Variants in SLCO1C1 observed in about 807,000 individuals in gnomAD.
The protein encoded by SLCO1C1 is solute carrier organic anion transporter family member 1C1, also known as OAT-RP-5.
A neutral mutation model predicts 76.4 loss-of-function variants in SLCO1C1; 70 were observed. That is an observed-to-expected ratio of 0.92 (90% confidence interval 0.76 to 1.12). SLCO1C1 has a LOEUF of 1.12. Ranked by LOEUF, SLCO1C1 falls within the 50% of genes most tolerant of loss-of-function variation. The pLI is 0.00. For synonymous variants in SLCO1C1, 306 were observed against 286.1 expected, an observed-to-expected ratio of 1.07 and a Z score of -0.70; for missense variants, 912 against 823.8, an observed-to-expected ratio of 1.11 and a Z score of -1.31.
Position 20,732,981 on chromosome 12 carries a change from G to A in SLCO1C1, c.1259G>A (p.Ser420Asn). 1 of 1,613,884 alleles carries A rather than the reference G, an allele frequency of 6.2e-7. No homozygotes were observed. The highest frequency in any genetic ancestry group is 8.5e-7 in the Non-Finnish European group (1 of 1,179,926). ...ATAGTTATGAAAAAATTCAGAATCA[G>A]TGTGTGTGGAGCTGCAAAACTCTAC... ...GGIVMKKFRI[S>N]VCGAAKLYLG... The change falls in exon 10 of 15, where the codon AGT becomes AAT. Residue 420 changes from serine (S) to asparagine (N), a missense_variant. Coordinates refer to ENST00000266509, the MANE Select transcript of SLCO1C1 (RefSeq NM_017435.5).
At chr12:20,740,815 ATATGGCTTTATCTG>A (rs1948781638) in intron 12 of SLCO1C1, among the ~76,000 whole-genome samples, 1 of 133,458 alleles carries the variant, frequency 7.5e-6, no homozygotes, top group Non-Finnish European at 1.6e-5. Flanking sequence ...ATATATATAT[ATATGGCTTTATCTG>A]TATATTTTTG....
At chr12:20,717,955 G>C (rs1947466923) in intron 7 of SLCO1C1, among the ~76,000 whole-genome samples, 1 of 151,902 alleles carries the variant, frequency 6.6e-6, no homozygotes, top group Non-Finnish European at 1.5e-5. Flanking sequence ...ATTGCATTTT[G>C]AAGTCCGCAT....
intron 10 of SLCO1C1, 126 bp from the exon 11 acceptor site, chr12:20,736,981 T>G (rs1298176392): frequency 1.5e-6 from 1 of 674,268 alleles, no homozygotes. Context: ...TGATGACAAC[T>G]GTGTTTCTAA....
chr12:20,715,058 G>T, intron 5 of SLCO1C1, 81 bp from the exon 6 acceptor site: 1 of 1,532,406 alleles, frequency 6.5e-7, no homozygotes, highest in Non-Finnish European at 8.9e-7. Flanking sequence ...TTCAGTTTAA[G>T]ATATACGGTA....
chr12:20,740,331 T>C lies in SLCO1C1; in HGVS notation c.1696T>C (p.Ser566Pro), dbSNP rs1282869051. 2 of 1,613,658 alleles carry C rather than the reference T, an allele frequency of 1.2e-6. No individual in the cohort carries two copies. The highest frequency in any genetic ancestry group is 2.2e-5 in the South Asian group (2 of 90,984). The change falls in exon 12 of 15, where the codon TCC becomes CCC. Residue 566 changes from serine to proline, a missense_variant. Coordinates refer to ENST00000266509, the MANE Select transcript of SLCO1C1 (RefSeq NM_017435.5). ...TTCAGTCATCACATCCTATACTTTA[T>C]CCCTAGGTGGCATACCTGGATACAT... ...VISVITSYTL[S>P]LGGIPGYILL...
At chr12:20,726,639 G>T (rs575374659) in intron 9 of SLCO1C1, among the ~76,000 whole-genome samples, 2 of 152,038 alleles carry the variant, frequency 1.3e-5, no homozygotes, top group Admixed American at 1.3e-4. Flanking sequence ...TTTAATGAAA[G>T]AAATTTGGAT....
rs879013980 is a variant in SLCO1C1 at position 20,721,820 on chromosome 12, C to G, written c.792C>G (p.Thr264=). Residue 264 remains threonine, a synonymous_variant, in exon 8 of 15, where the codon ACC becomes ACG. Transcript: ENST00000266509. ...GFVNLDHITI[T]PKDPQWVGAW... ...GTCTTTCAGATCACATAACCATTAC[C>G]CCAAAAGATCCCCAGTGGGTAGGAG... The G allele has an allele frequency of 6.2e-7, 1 of 1,614,026 alleles. No homozygotes were observed. The highest frequency in any genetic ancestry group is 1.1e-5 in the South Asian group (1 of 91,068).
At chr12:20,748,694 T>A (rs985629142) in intron 13 of SLCO1C1, among the ~76,000 whole-genome samples, 1 of 152,214 alleles carries the variant, frequency 6.6e-6, no homozygotes, top group African/African-American at 2.4e-5. Context: ...TGTTCTTTTG[T>A]GACATTTATA....
chr12:20,749,455 A>G (rs1949193434), intron 13 of SLCO1C1, among the ~76,000 whole-genome samples: 1 of 152,178 alleles, frequency 6.6e-6, no homozygotes, highest in South Asian at 2.1e-4. Context: ...GGTTCTTAAG[A>G]GAACTCAGAA....
At chr12:20,706,652 T>TG (rs1946792380) in intron 4 of SLCO1C1, among the ~76,000 whole-genome samples, 2 of 152,164 alleles carry the variant, frequency 1.3e-5, no homozygotes, top group Non-Finnish European at 2.9e-5. Context: ...ATTTTTACCC[T>TG]TATAGCAACC....
intron 6 of SLCO1C1, among the ~76,000 whole-genome samples, 177 bp downstream of exon 6, chr12:20,715,462 G>A (rs1019240083): frequency 4.6e-5 from 7 of 152,182 alleles, no homozygotes; most frequent in African/African-American, 1.7e-4. Context: ...AGACACCATA[G>A]TTAGAGGGAT....
At chr12:20,721,312 G>A (rs1592268190) in intron 7 of SLCO1C1, among the ~76,000 whole-genome samples, 1 of 152,116 alleles carries the variant, frequency 6.6e-6, no homozygotes, top group African/African-American at 2.4e-5. Flanking sequence ...ATTTTCTTAT[G>A]TTCATACATT....
At position 20,721,873 on chromosome 12, in the gene SLCO1C1, G is replaced by T. The variant is rs1352659537; in HGVS notation, c.845G>T (p.Gly282Val). 2 of 1,614,128 alleles carry T rather than the reference G, an allele frequency of 1.2e-6. No individual in the cohort carries two copies. The highest frequency in any genetic ancestry group is 2.2e-5 in the East Asian group (1 of 44,866). ...TGGTGGCTTGGCTATCTAATAGCAG[G>T]AATCATAAGTCTTCTTGCAGCTGTG... The part of the protein sequence containing the change: ...GAWWLGYLIA[G>V]IISLLAAVPF... Residue 282 changes from glycine to valine, a missense_variant, in exon 8 of 15, where the codon GGA becomes GTA. Physicochemically the swap from Gly to Val is moderately radical, Grantham distance 109. Coordinates refer to ENST00000266509, the MANE Select transcript of SLCO1C1 (RefSeq NM_017435.5).
At chr12:20,711,267 T>A (rs1364721539) in intron 4 of SLCO1C1, 119 bp from the exon 5 acceptor site, 14 of 1,140,350 alleles carry the variant, frequency 1.2e-5, no homozygotes, top group Non-Finnish European at 1.5e-5. Context: ...TTTGGTGAAT[T>A]AGGTTCAGAG....
intron 13 of SLCO1C1, among the ~76,000 whole-genome samples, chr12:20,749,705 AG>A (rs1949207837): frequency 1.3e-5 from 2 of 152,180 alleles, no homozygotes; most frequent in Non-Finnish European, 2.9e-5. Flanking sequence ...AGAACCTACT[AG>A]GGTTTCTGGC....
At chr12:20,726,642 A>G (rs1948013272) in intron 9 of SLCO1C1, among the ~76,000 whole-genome samples, 1 of 152,120 alleles carries the variant, frequency 6.6e-6, no homozygotes, top group Non-Finnish European at 1.5e-5. Flanking sequence ...AATGAAAGAA[A>G]TTTGGATAGG....
At chr12:20,698,996 C>T (rs1302851941) in intron 1 of SLCO1C1, among the ~76,000 whole-genome samples, 1 of 151,990 alleles carries the variant, frequency 6.6e-6, no homozygotes, top group African/African-American at 2.4e-5. Context: ...CATGTTGCTC[C>T]CTTATTTATC....
intron 4 of SLCO1C1, among the ~76,000 whole-genome samples, chr12:20,706,770 T>C (rs925397701): frequency 6.6e-6 from 1 of 152,150 alleles, no homozygotes; most frequent in Non-Finnish European, 1.5e-5. Context: ...CTTGTAATTA[T>C]GGAATCAGAA....
At chr12:20,728,548 A>T (rs1948130483) in intron 9 of SLCO1C1, among the ~76,000 whole-genome samples, 1 of 151,568 alleles carries the variant, frequency 6.6e-6, no homozygotes, top group Admixed American at 6.6e-5. Context: ...TACACAGACA[A>T]GTAGGAAAAA....
Sources: allele counts gnomAD v4.1 joint callset (sites outside exome capture counted in the v4.1 genomes callset), GRCh38; gene constraint gnomAD v4.1.1; transcripts MANE v1.5; gene names NCBI Gene and HGNC (gene_info 2026-07-23, HGNC 2026-07-21).